Variants in ZDHHC14 observed in about 807,000 individuals in gnomAD.
The protein encoded by ZDHHC14 is palmitoyltransferase ZDHHC14.
In ZDHHC14, 16 loss-of-function variants were observed where a neutral mutation model predicts 47.7. The ratio of observed to expected loss-of-function variants is 0.34; its 90% CI spans 0.23 to 0.51. The LOEUF (loss-of-function observed/expected upper bound fraction) is 0.51, where lower values mean the gene tolerates loss of function less well. Ranked by LOEUF, ZDHHC14 falls within the 20% of genes least tolerant of loss-of-function variation. The probability of loss-of-function intolerance (pLI) is 0.97; values close to 1 mark genes in which losing one functional copy is unlikely to be tolerated. For missense variants in ZDHHC14, 515 were observed against 662.5 expected (o/e 0.78, Z 2.44); for synonymous variants, 293 against 278.9 (o/e 1.05, Z -0.50).
chr6:157,386,825 T>G (rs1355279242), intron 1 of ZDHHC14, among the ~76,000 whole-genome samples: 1 of 152,032 alleles, frequency 6.6e-6, no homozygotes, highest in East Asian at 1.9e-4. Context: ...TAACAATTTC[T>G]TCTTCTCCCT....
intron 1 of ZDHHC14, among the ~76,000 whole-genome samples, chr6:157,458,849 A>ATTTTGTTTTTTTTTT (rs1778991869): frequency 1.2e-5 from 1 of 81,226 alleles, no homozygotes; most frequent in African/African-American, 4.6e-5. Context: ...ATGTGGGTGG[A>ATTTTGTTTTTTTTTT]TTTTTTTTTT....
intron 1 of ZDHHC14, among the ~76,000 whole-genome samples, chr6:157,501,378 T>A (rs548505123): frequency 6.6e-6 from 1 of 152,372 alleles, no homozygotes; most frequent in East Asian, 1.9e-4. Context: ...TAATGTGATT[T>A]GGGGGAAGTG....
intron 8 of ZDHHC14, among the ~76,000 whole-genome samples, chr6:157,664,702 T>C (rs553521834): frequency 7.2e-5 from 11 of 152,280 alleles, no homozygotes; most frequent in Admixed American, 6.5e-4. Flanking sequence ...ATGTGAACAA[T>C]GTGTTGGAGG....
intron 1 of ZDHHC14, among the ~76,000 whole-genome samples, chr6:157,410,495 A>G (rs1777852050): frequency 6.6e-6 from 1 of 152,226 alleles, no homozygotes; most frequent in African/African-American, 2.4e-5. Flanking sequence ...TTTGAAAACA[A>G]CAAGAACAAC....
intron 8 of ZDHHC14, among the ~76,000 whole-genome samples, chr6:157,668,968 A>G (rs1335428433): frequency 6.6e-6 from 1 of 152,210 alleles, no homozygotes; most frequent in Non-Finnish European, 1.5e-5. Context: ...ACCTCCTTTA[A>G]GAAAAAACAA....
At chr6:157,593,703 GCTC>G (rs1388065274) in intron 3 of ZDHHC14, among the ~76,000 whole-genome samples, 1 of 152,236 alleles carries the variant, frequency 6.6e-6, no homozygotes, top group Non-Finnish European at 1.5e-5. Flanking sequence ...GGAACTGAGA[GCTC>G]AGAGGTCTGC....
At chr6:157,636,068 C>A (rs1776958765) in intron 5 of ZDHHC14, among the ~76,000 whole-genome samples, 1 of 152,116 alleles carries the variant, frequency 6.6e-6, no homozygotes, top group Non-Finnish European at 1.5e-5. Flanking sequence ...CTGCTGACCG[C>A]ATGCAGGTCC....
chr6:157,574,141 T>C (rs1332312885), intron 2 of ZDHHC14, among the ~76,000 whole-genome samples: 1 of 149,714 alleles, frequency 6.7e-6, no homozygotes, highest in Non-Finnish European at 1.5e-5. Flanking sequence ...ACATACGAGA[T>C]GCCAGGTGTG....
At chr6:157,665,880 G>A (rs625880) in intron 8 of ZDHHC14, among the ~76,000 whole-genome samples, 109,127 of 152,108 alleles carry the variant, frequency 0.72, 39,374 homozygotes, top group African/African-American at 0.78. Context: ...AAGCAATAAT[G>A]TGATGGGTGT....
At chr6:157,473,806 C>A (rs954085896) in intron 1 of ZDHHC14, among the ~76,000 whole-genome samples, 1 of 152,040 alleles carries the variant, frequency 6.6e-6, no homozygotes, top group Admixed American at 6.6e-5. Context: ...TACTTTCAGG[C>A]TACATGTGTA....
intron 2 of ZDHHC14, among the ~76,000 whole-genome samples, chr6:157,549,633 A>G (rs945520076): frequency 3.7e-4 from 56 of 152,180 alleles, no homozygotes; most frequent in African/African-American, 1.4e-3. Context: ...GGATGTCGAG[A>G]TTCCGATGTC....
intron 3 of ZDHHC14, among the ~76,000 whole-genome samples, chr6:157,602,512 A>G (rs1244383772): frequency 7.0e-6 from 1 of 142,702 alleles, no homozygotes; most frequent in Admixed American, 7.0e-5. Context: ...AAAAAAACGC[A>G]TTCAGTGCCA....
At chr6:157,527,750 C>T (rs1781210986) in intron 1 of ZDHHC14, among the ~76,000 whole-genome samples, 1 of 152,190 alleles carries the variant, frequency 6.6e-6, no homozygotes, top group Non-Finnish European at 1.5e-5. Flanking sequence ...GTAACGGTCT[C>T]TCAGGAAGTT....
chr6:157,480,041 T>G (rs1247056698), intron 1 of ZDHHC14, among the ~76,000 whole-genome samples: 1 of 152,134 alleles, frequency 6.6e-6, no homozygotes, highest in Non-Finnish European at 1.5e-5. Flanking sequence ...TGGACAACAG[T>G]GGCCCACCTA....
chr6:157,567,782 G>A (rs1293883957), intron 2 of ZDHHC14, among the ~76,000 whole-genome samples: 1 of 148,802 alleles, frequency 6.7e-6, no homozygotes, highest in African/African-American at 2.5e-5. Flanking sequence ...TTGCACTCCA[G>A]CGTGGGTGAC....
chr6:157,434,702 A>G (rs1334945951), intron 1 of ZDHHC14, among the ~76,000 whole-genome samples: 1 of 152,176 alleles, frequency 6.6e-6, no homozygotes, highest in Non-Finnish European at 1.5e-5. Flanking sequence ...TGGTTGGGCC[A>G]CCTGAAGATG....
intron 2 of ZDHHC14, among the ~76,000 whole-genome samples, chr6:157,578,086 G>A (rs186742961): frequency 6.6e-6 from 1 of 151,850 alleles, no homozygotes; most frequent in Non-Finnish European, 1.5e-5. Flanking sequence ...TACAGATTAT[G>A]GATATTACAA....
intron 8 of ZDHHC14, among the ~76,000 whole-genome samples, chr6:157,670,200 C>G (rs1428155650): frequency 2.0e-5 from 3 of 152,244 alleles, no homozygotes; most frequent in African/African-American, 7.2e-5. Flanking sequence ...GCCCACCTGA[C>G]AGCTTGGAGA....
chr6:157,652,312 T>C (rs1313470303), intron 7 of ZDHHC14, among the ~76,000 whole-genome samples: 1 of 152,136 alleles, frequency 6.6e-6, no homozygotes, highest in Non-Finnish European at 1.5e-5. Context: ...GGCCCTGCTT[T>C]CTGAGAAAAG....
Sources: gnomAD v4.1 joint callset for allele counts (sites outside exome capture counted in the v4.1 genomes callset) on GRCh38, gnomAD v4.1.1 for gene constraint, MANE v1.5 for transcripts, NCBI Gene and HGNC (gene_info 2026-07-23, HGNC 2026-07-21) for gene names.